CYP27A1: variants seen among roughly 807,000 people sequenced by gnomAD.
The protein encoded by CYP27A1 is sterol 26-hydroxylase, mitochondrial.
In CYP27A1, 46 loss-of-function variants were observed where a neutral mutation model predicts 58.2. The observed-to-expected ratio is 0.79, with a 90% CI of 0.62 to 1.01. CYP27A1 has a LOEUF of 1.01. Among genes scored for constraint, CYP27A1 ranks in the 50% least tolerant of loss-of-function variants. CYP27A1 has a pLI of 0.00. For missense variants in CYP27A1, 704 were observed against 687.0 expected (o/e 1.02, Z -0.28); for synonymous variants, 274 against 285.1 (o/e 0.96, Z 0.39).
intron 1 of CYP27A1, among the ~76,000 whole-genome samples, chr2:218,790,760 C>A (rs1457766309): frequency 6.6e-6 from 1 of 151,404 alleles, no homozygotes; most frequent in African/African-American, 2.4e-5. Flanking sequence ...TGTAGTGGCA[C>A]GACCTCGGCT....
chr2:218,802,214 G>A (rs1245056392), intron 1 of CYP27A1, among the ~76,000 whole-genome samples: 1 of 151,812 alleles, frequency 6.6e-6, no homozygotes, highest in African/African-American at 2.4e-5. Context: ...GGCCACGTGC[G>A]TCACGGATAA....
At chr2:218,785,322 CT>C (rs1943431889) in intron 1 of CYP27A1, among the ~76,000 whole-genome samples, 2 of 152,276 alleles carry the variant, frequency 1.3e-5, no homozygotes, top group African/African-American at 4.8e-5. Context: ...TGAAGCTTTG[CT>C]CACTCACCTA....
In CYP27A1 at chr2:218,782,547, G is replaced by T; in HGVS notation, c.255+110G>T. 1 of 1,387,044 alleles carries T rather than the reference G, an allele frequency of 7.2e-7. No homozygotes were observed. 85.9% of individuals were successfully genotyped at this position (1,387,044 alleles called of 1,614,324 possible). A position where few individuals can be genotyped will look rare whatever the true frequency, so the allele number is the denominator to read the frequency against. ...GTGAAGGCTGCAGGAACTCAGCTGG[G>T]GACCCACTGAGGCTATGGTCATAAA... is the stretch of plus-strand genomic sequence containing the variant. On this transcript the variant is annotated intron_variant, in intron 1 of 8. Coordinates refer to ENST00000258415, the MANE Select transcript of CYP27A1 (RefSeq NM_000784.4). The surrounding 1 kb of genome is among the most constrained non-coding windows in gnomAD (Gnocchi z 4.1).
At chr2:218,795,874 A>C (rs566210755) in intron 1 of CYP27A1, among the ~76,000 whole-genome samples, 21 of 152,214 alleles carry the variant, frequency 1.4e-4, no homozygotes, top group Non-Finnish European at 2.6e-4. Context: ...AGCAAGAATA[A>C]TTATTTCTAC....
chr2:218,793,800 C>A (rs531544578), intron 1 of CYP27A1, among the ~76,000 whole-genome samples: 1 of 151,778 alleles, frequency 6.6e-6, no homozygotes. Flanking sequence ...CTGCAACCTC[C>A]GCCCCCAGGT....
intron 2 of CYP27A1, among the ~76,000 whole-genome samples, chr2:218,811,021 T>G (rs1036100796): frequency 6.6e-6 from 1 of 151,958 alleles, no homozygotes; most frequent in Non-Finnish European, 1.5e-5. Context: ...TGTGGTGGCA[T>G]GCACCTGTAG....
intron 1 of CYP27A1, among the ~76,000 whole-genome samples, chr2:218,802,852 A>G (rs1332749135): frequency 6.6e-6 from 1 of 152,190 alleles, no homozygotes; most frequent in Non-Finnish European, 1.5e-5. Flanking sequence ...TTCCTTAATG[A>G]CAAATGATGT....
chr2:218,798,212 C>T (rs1268015996), intron 1 of CYP27A1, among the ~76,000 whole-genome samples: 1 of 152,124 alleles, frequency 6.6e-6, no homozygotes, highest in East Asian at 1.9e-4. Context: ...ACCATGTTGG[C>T]CAGGCTAGTC....
At position 218,815,224 on chromosome 2, in the gene CYP27A1, G is replaced by A; in HGVS notation, c.*194G>A. 1 of 626,838 alleles carries A rather than the reference G, an allele frequency of 1.6e-6. No homozygotes were observed. Among genetic ancestry groups the A allele is most frequent in the South Asian group, 1.9e-5 (1 of 53,602 alleles). 38.8% of individuals were successfully genotyped at this position (626,838 alleles called of 1,614,324 possible). A position where few individuals can be genotyped will look rare whatever the true frequency, so the allele number is the denominator to read the frequency against. On this transcript the variant is annotated 3_prime_UTR_variant, in exon 9 of 9. Transcript: ENST00000258415. ...TTGAGCAACTCCCTCTCAGCTAAAA[G>A]GCCACCCCTTTATCGCATTGCTGTC... is the stretch of plus-strand genomic sequence containing the variant.
Position 218,812,950 on chromosome 2 carries a change from G to A in CYP27A1, c.871G>A (p.Glu291Lys), listed in dbSNP as rs190012697. The A allele has an allele frequency of 6.4e-5, 103 of 1,614,202 alleles. No individual in the cohort carries two copies. Among genetic ancestry groups the A allele is most frequent in the Middle Eastern group, 3.3e-4 (2 of 6,062 alleles). Residue 291 changes from glutamate (E) to lysine (K), a missense_variant, in exon 5 of 9, where the codon GAA becomes AAA. Coordinates refer to ENST00000258415, the MANE Select transcript of CYP27A1 (RefSeq NM_000784.4). ...GAAGAAGCTGATTGATGAGAAGCTC[G>A]AAGATATGGAGGCCCAACTGCAGGC... ...FGKKLIDEKL[E>K]DMEAQLQAAG... is the part of the protein sequence containing the mutation.
intron 1 of CYP27A1, among the ~76,000 whole-genome samples, chr2:218,795,251 GTAGATCCAGTTTT>G (rs1305399626): frequency 6.6e-6 from 1 of 152,198 alleles, no homozygotes; most frequent in Non-Finnish European, 1.5e-5. Flanking sequence ...TCTGGATCCT[GTAGATCCAGTTTT>G]CTTTCCTAGG....
chr2:218,800,064 T>TG (rs1241202733), intron 1 of CYP27A1, among the ~76,000 whole-genome samples: 1 of 152,200 alleles, frequency 6.6e-6, no homozygotes, highest in Non-Finnish European at 1.5e-5. Context: ...CCTCCATTGC[T>TG]GAGAAACTCC....
At chr2:218,795,346 T>A (rs1296718228) in intron 1 of CYP27A1, among the ~76,000 whole-genome samples, 1 of 152,170 alleles carries the variant, frequency 6.6e-6, no homozygotes, top group Non-Finnish European at 1.5e-5. Context: ...GGACTTCTTA[T>A]CATAAGCCAA....
intron 1 of CYP27A1, among the ~76,000 whole-genome samples, chr2:218,786,619 A>G (rs1575197360): frequency 6.6e-6 from 1 of 152,108 alleles, no homozygotes; most frequent in Admixed American, 6.6e-5. Flanking sequence ...TATATTTCAA[A>G]CATATTGATC....
At chr2:218,814,785 G>A (rs769144632) in intron 8 of CYP27A1, 28 bp downstream of exon 8, 1 of 1,613,818 alleles carries the variant, frequency 6.2e-7, no homozygotes, top group Non-Finnish European at 8.5e-7. Context: ...AGTAGGGTGT[G>A]TGGGCAGGGA....
chr2:218,809,517 C>T, intron 1 of CYP27A1, 60 bp from the exon 2 acceptor site: 1 of 1,379,968 alleles, frequency 7.2e-7, no homozygotes, highest in Non-Finnish European at 1.0e-6. Flanking sequence ...ACCTCATCTC[C>T]TGTCCTGGGA....
At position 218,814,567 on chromosome 2, in the gene CYP27A1, A is replaced by T. The variant is rs774127681; in HGVS notation, c.1286A>T (p.Tyr429Phe). The stretch of plus-strand genomic sequence containing the variant: ...TAGACCCAGTTTGTGTTCTGCCACT[A>T]TGTGGTGTCCCGGGACCCCACTGCC... Reference protein sequence around the residue: ...PKNTQFVFCHYVVSRDPTAFS... With the variant: ...PKNTQFVFCHFVVSRDPTAFS... The change falls in exon 8 of 9, where the codon TAT becomes TTT. Residue 429 changes from tyrosine to phenylalanine, a missense_variant. Coordinates refer to ENST00000258415, the MANE Select transcript of CYP27A1 (RefSeq NM_000784.4). The T allele has an allele frequency of 6.2e-7, 1 of 1,614,146 alleles. No homozygotes were observed. The highest frequency in any genetic ancestry group is 1.7e-5 in the Admixed American group (1 of 60,026).
chr2:218,810,573 AT>A (rs1442621150), intron 2 of CYP27A1, among the ~76,000 whole-genome samples: 1 of 152,202 alleles, frequency 6.6e-6, no homozygotes. Context: ...GGGTTCTCAA[AT>A]TTTTGTTTTA....
chr2:218,809,853 C>T (rs964153364), intron 2 of CYP27A1, 86 bp downstream of exon 2: 19 of 1,288,812 alleles, frequency 1.5e-5, no homozygotes, highest in Non-Finnish European at 1.7e-5. Context: ...GGTGGATAAC[C>T]GGCAGAATAG....
Sources: gnomAD v4.1 joint callset for allele counts (sites outside exome capture counted in the v4.1 genomes callset) on GRCh38, gnomAD v4.1.1 for gene constraint, Gnocchi (gnomAD v3.1) non-coding constraint, MANE v1.5 for transcripts, NCBI Gene and HGNC (gene_info 2026-07-23, HGNC 2026-07-21) for gene names.